The following RASGRF2 variants were observed in gnomAD, a reference collection of about 807,000 sequenced individuals.
The protein encoded by RASGRF2 is Ras protein specific guanine nucleotide releasing factor 2.
In RASGRF2, 76 loss-of-function variants were observed where a neutral mutation model predicts 151.0. That is an observed-to-expected ratio of 0.50 (90% confidence interval 0.42 to 0.61). RASGRF2 has a LOEUF of 0.61. Ranked by LOEUF, RASGRF2 falls within the 20% of genes least tolerant of loss-of-function variation. The pLI is 0.00. For synonymous variants in RASGRF2, 504 were observed against 566.5 expected (o/e 0.89, Z 1.57); for missense variants, 1,148 against 1,564.6 (o/e 0.73, Z 4.49).
At chr5:81,090,578 T>G (rs1348031037) in intron 9 of RASGRF2, among the ~76,000 whole-genome samples, 1 of 152,216 alleles carries the variant, frequency 6.6e-6, no homozygotes, top group Non-Finnish European at 1.5e-5. Flanking sequence ...ATTTCTCACT[T>G]TTAATTCAGA....
chr5:81,086,360 C>G (rs1324327874), intron 8 of RASGRF2, among the ~76,000 whole-genome samples: 1 of 152,096 alleles, frequency 6.6e-6, no homozygotes, highest in East Asian at 1.9e-4. Flanking sequence ...AAAAAAGACT[C>G]TCAGTTGCAT....
chr5:81,120,149 C>T (rs576083717), intron 15 of RASGRF2, among the ~76,000 whole-genome samples: 3 of 152,298 alleles, frequency 2.0e-5, no homozygotes, highest in South Asian at 2.1e-4. Context: ...CATTAAGCCA[C>T]TTCTTTGCAT....
chr5:81,212,754 ACATT>A (rs1241093130), intron 23 of RASGRF2, among the ~76,000 whole-genome samples, 191 bp downstream of exon 23: 1 of 152,204 alleles, frequency 6.6e-6, no homozygotes, highest in Non-Finnish European at 1.5e-5. Context: ...CATTTCTAAA[ACATT>A]CATTAAAGCA....
chr5:81,055,464 C>A (rs1751170434), intron 2 of RASGRF2, among the ~76,000 whole-genome samples: 1 of 152,152 alleles, frequency 6.6e-6, no homozygotes, highest in South Asian at 2.1e-4. Flanking sequence ...AGCCTTGCAT[C>A]CCAGGGATGA....
chr5:81,176,282 A>G (rs34226265), intron 17 of RASGRF2, among the ~76,000 whole-genome samples: 17,353 of 152,230 alleles, frequency 0.11, 1,132 homozygotes, highest in South Asian at 0.22. Context: ...GGCAGTAATC[A>G]TGTGGAAGCC....
intron 7 of RASGRF2, among the ~76,000 whole-genome samples, chr5:81,083,270 T>G (rs1752136760): frequency 3.4e-5 from 1 of 29,654 alleles, no homozygotes. Context: ...GGGTTCTCAC[T>G]TTTTTTTTTT....
At chr5:81,217,577 T>A in intron 25 of RASGRF2, 104 bp downstream of exon 25, 10 of 605,800 alleles carry the variant, frequency 1.7e-5, no homozygotes, top group African/African-American at 2.1e-5. Context: ...TTCTCTTCTT[T>A]TTTTTTTTTT....
chr5:81,205,840 T>C (rs1182512115), intron 19 of RASGRF2, among the ~76,000 whole-genome samples: 3 of 152,172 alleles, frequency 2.0e-5, no homozygotes, highest in Admixed American at 6.5e-5. Context: ...AAGCTCTGCC[T>C]CCTTGGTTCA....
Position 80,969,704 on chromosome 5 carries a change from G to A in RASGRF2, c.288+8678G>A, listed in dbSNP as rs187461999. Among the ~76,000 whole-genome samples, 22 of 151,660 alleles carry A rather than the reference G, an allele frequency of 1.5e-4. 1 individual carries two copies. The East Asian group carries it at 2.9e-3, about 20-fold the overall frequency. Reference sequence around the variant, plus strand: ...CTGACCTCGTGATCCGCCCGTCTCGGCCTCCCAAAGTGCTGGGATTACAGG... The same window carrying A: ...CTGACCTCGTGATCCGCCCGTCTCGACCTCCCAAAGTGCTGGGATTACAGG... On this transcript the variant is annotated intron_variant, in intron 1 of 26. Transcript: ENST00000265080.
Position 80,960,704 on chromosome 5 carries a change from C to T in RASGRF2, c.-35C>T. 1 of 1,463,264 alleles carries T rather than the reference C, an allele frequency of 6.8e-7. No homozygotes were observed. Among genetic ancestry groups the T allele is most frequent in the South Asian group, 1.4e-5 (1 of 71,488 alleles). 90.6% of individuals were successfully genotyped at this position (1,463,264 alleles called of 1,614,324 possible). On this transcript the variant is annotated 5_prime_UTR_variant, in exon 1 of 27. Coordinates refer to ENST00000265080, the MANE Select transcript of RASGRF2 (RefSeq NM_006909.3). The surrounding 1 kb of genome is among the most constrained non-coding windows in gnomAD (Gnocchi z 5.5). Reference sequence around the variant, plus strand: ...CCATGGCCGCGAGGCAGGGGTGAGACCGGCGGCCACCCGTGAGCCCTCCGC... The same window carrying T: ...CCATGGCCGCGAGGCAGGGGTGAGATCGGCGGCCACCCGTGAGCCCTCCGC...
At chr5:81,188,973 A>G (rs1006907529) in intron 18 of RASGRF2, among the ~76,000 whole-genome samples, 5 of 152,246 alleles carry the variant, frequency 3.3e-5, no homozygotes, top group Non-Finnish European at 7.3e-5. Flanking sequence ...CAACACTGCC[A>G]ATGCTTTCCC....
chr5:81,155,011 G>T (rs1340934824), intron 17 of RASGRF2, among the ~76,000 whole-genome samples: 2 of 152,076 alleles, frequency 1.3e-5, no homozygotes, highest in African/African-American at 4.8e-5. Flanking sequence ...CTGTGGTTTT[G>T]ATTTGCATTT....
intron 7 of RASGRF2, among the ~76,000 whole-genome samples, chr5:81,081,191 G>A (rs771894994): frequency 6.6e-6 from 1 of 152,144 alleles, no homozygotes; most frequent in Non-Finnish European, 1.5e-5. Flanking sequence ...TCTTGGGGAC[G>A]GAGTGACTGC....
intron 17 of RASGRF2, among the ~76,000 whole-genome samples, chr5:81,165,654 T>A (rs924665143): frequency 6.6e-6 from 1 of 152,198 alleles, no homozygotes; most frequent in Non-Finnish European, 1.5e-5. Flanking sequence ...TGCCTGGTGA[T>A]GCTGCTCTAG....
intron 24 of RASGRF2, among the ~76,000 whole-genome samples, 179 bp downstream of exon 24, chr5:81,216,134 C>T (rs965517088): frequency 6.6e-6 from 1 of 152,082 alleles, no homozygotes; most frequent in East Asian, 1.9e-4. Context: ...ACTGTGCATA[C>T]AGTAATTGTC....
chr5:80,991,195 C>T (rs953056229), intron 1 of RASGRF2, among the ~76,000 whole-genome samples: 3 of 152,106 alleles, frequency 2.0e-5, no homozygotes, highest in Admixed American at 2.0e-4. Context: ...GTAATCCCAG[C>T]ACTTTGTAAT....
chr5:81,176,587 G>A (rs1561246029), intron 17 of RASGRF2, among the ~76,000 whole-genome samples: 1 of 152,134 alleles, frequency 6.6e-6, no homozygotes, highest in Non-Finnish European at 1.5e-5. Context: ...CATTGCACAT[G>A]TGGACGGTTT....
At chr5:81,064,076 C>T (rs1291671005) in intron 2 of RASGRF2, among the ~76,000 whole-genome samples, 1 of 152,106 alleles carries the variant, frequency 6.6e-6, no homozygotes, top group Non-Finnish European at 1.5e-5. Flanking sequence ...GTGCCTCTGC[C>T]CAAAGGTATC....
rs1382836284 is a variant in RASGRF2 at position 81,075,472 on chromosome 5, A to T, written c.887+2020A>T. Among the ~76,000 whole-genome samples the T allele has an allele frequency of 2.6e-5, 4 of 152,180 alleles. No homozygotes were observed. The East Asian group carries it at 7.7e-4, about 29-fold the overall frequency. ...GTTGTGTTTCTCAGAACAATTGTTC[A>T]TTCTTCTCCCCTACCTGGAGCCTTC... On this transcript the variant is annotated intron_variant, in intron 5 of 26. Coordinates refer to ENST00000265080, the MANE Select transcript of RASGRF2 (RefSeq NM_006909.3).
Sources: allele counts gnomAD v4.1 joint callset (sites outside exome capture counted in the v4.1 genomes callset), GRCh38; gene constraint gnomAD v4.1.1; non-coding constraint Gnocchi (gnomAD v3.1); transcripts MANE v1.5; gene names NCBI Gene and HGNC (gene_info 2026-07-23, HGNC 2026-07-21).